Variants in PDE6A observed in about 807,000 individuals in gnomAD.
The protein encoded by PDE6A is phosphodiesterase 6A.
Under a neutral mutation model 106.3 loss-of-function variants are expected in PDE6A, and 84 were observed. The ratio of observed to expected loss-of-function variants is 0.79; its 90% CI spans 0.66 to 0.95. The LOEUF (loss-of-function observed/expected upper bound fraction) is 0.95, where lower values mean the gene tolerates loss of function less well. Among genes scored for constraint, PDE6A ranks in the 40% least tolerant of loss-of-function variants. The pLI, the probability that PDE6A is intolerant of heterozygous loss-of-function variation, is 0.00. For missense variants in PDE6A, 1,052 were observed against 1,084.9 expected, an observed-to-expected ratio of 0.97 and a Z score of 0.43; for synonymous variants, 394 against 386.6, an observed-to-expected ratio of 1.02 and a Z score of -0.23.
At chr5:149,916,288 C>T (rs563731105) in intron 5 of PDE6A, among the ~76,000 whole-genome samples, 1 of 152,294 alleles carries the variant, frequency 6.6e-6, no homozygotes, top group East Asian at 1.9e-4. Context: ...TTAATTTTGA[C>T]TTTGATAAGT....
intron 7 of PDE6A, 55 bp from the exon 8 acceptor site, chr5:149,903,750 A>G (rs1469741944): frequency 3.2e-5 from 43 of 1,326,976 alleles, no homozygotes; most frequent in Non-Finnish European, 3.9e-5. Flanking sequence ...GAGGGTGCCC[A>G]GTGAAGCACT....
chr5:149,900,375 G>GTGTATATATATA (rs371287292), intron 8 of PDE6A, among the ~76,000 whole-genome samples: 26 of 82,646 alleles, frequency 3.1e-4, no homozygotes, highest in South Asian at 6.7e-4. Context: ...AAATATATAT[G>GTGTATATATATA]TATATATATA....
intron 8 of PDE6A, among the ~76,000 whole-genome samples, chr5:149,900,085 G>T (rs1030075364): frequency 2.6e-5 from 4 of 151,872 alleles, no homozygotes; most frequent in African/African-American, 4.8e-5. Context: ...TAGGCATGGC[G>T]ACTCACACCT....
At chr5:149,916,987 G>A (rs2113632190) in intron 5 of PDE6A, among the ~76,000 whole-genome samples, 1 of 152,080 alleles carries the variant, frequency 6.6e-6, no homozygotes, top group African/African-American at 2.4e-5. Context: ...AGTCACTTAG[G>A]AAGTTTTGTA....
intron 13 of PDE6A, among the ~76,000 whole-genome samples, chr5:149,891,851 G>A (rs2113573136): frequency 6.6e-6 from 1 of 151,896 alleles, no homozygotes; most frequent in South Asian, 2.1e-4. Flanking sequence ...CATAATTCTA[G>A]CAAGACAATA....
intron 1 of PDE6A, among the ~76,000 whole-genome samples, chr5:149,942,327 A>T (rs1308925871): frequency 6.6e-6 from 1 of 152,004 alleles, no homozygotes; most frequent in East Asian, 1.9e-4. Context: ...TGCAGTGTCT[A>T]TTCACAGGTG....
At chr5:149,939,032 G>C (rs1038431854) in intron 1 of PDE6A, among the ~76,000 whole-genome samples, 1 of 152,196 alleles carries the variant, frequency 6.6e-6, no homozygotes, top group Non-Finnish European at 1.5e-5. Flanking sequence ...CCCAGTCACT[G>C]TTTGGTGGCG....
Position 149,944,181 on chromosome 5 carries a change from C to G in PDE6A, c.474+19G>C, listed in dbSNP as rs368594456. 7.5e-6 allele frequency: 12 copies of G among 1,590,206 alleles called. No homozygotes were observed. Among genetic ancestry groups the G allele is most frequent in the Non-Finnish European group, 9.5e-6 (11 of 1,158,928 alleles). On this transcript the variant is annotated intron_variant, in intron 1 of 21. Coordinates refer to ENST00000255266, the MANE Select transcript of PDE6A (RefSeq NM_000440.3). ...TGTAATAATGCCCCATGCCCTCTCT[C>G]TCATGGGGAAGAGAGTACCTCCTCT...
intron 4 of PDE6A, among the ~76,000 whole-genome samples, chr5:149,925,634 G>A (rs1753844139): frequency 6.7e-6 from 1 of 149,726 alleles, no homozygotes; most frequent in African/African-American, 2.5e-5. Flanking sequence ...TTGAACCCAG[G>A]AGGCGGAGGT....
In PDE6A at chr5:149,858,250, C is replaced by T. The variant is rs1272090861; in HGVS notation, c.*2645G>A. The stretch of plus-strand genomic sequence containing the variant: ...GTATACTTTTTATTTGCTAATTATA[C>T]CTCCATAAAGCTGGTGGTGGGGGGG... On this transcript the variant is annotated 3_prime_UTR_variant, in exon 22 of 22. Transcript: ENST00000255266. The T allele has an allele frequency of 2.0e-5, 3 of 151,972 alleles. No homozygotes were observed. Among genetic ancestry groups the T allele is most frequent in the African/African-American group, 7.3e-5 (3 of 41,340 alleles). 9.4% of individuals were successfully genotyped at this position (151,972 alleles called of 1,614,324 possible).
At chr5:149,907,449 G>T in intron 6 of PDE6A, 71 bp from the exon 7 acceptor site, 1 of 1,236,474 alleles carries the variant, frequency 8.1e-7, no homozygotes, top group Non-Finnish European at 1.2e-6. Flanking sequence ...AAATCTGGGT[G>T]TTTGCGCTCC....
chr5:149,925,433 G>C (rs1156446028), intron 4 of PDE6A, among the ~76,000 whole-genome samples: 1 of 152,158 alleles, frequency 6.6e-6, no homozygotes. Context: ...AGTTAGCCAG[G>C]CAGTGGCTCA....
chr5:149,930,172 A>G (rs1189212284), intron 4 of PDE6A, among the ~76,000 whole-genome samples: 3 of 152,258 alleles, frequency 2.0e-5, no homozygotes, highest in Non-Finnish European at 4.4e-5. Flanking sequence ...GCAGTCCAGT[A>G]ATTTTTTAAT....
intron 4 of PDE6A, among the ~76,000 whole-genome samples, chr5:149,930,503 A>T (rs1227282480): frequency 6.6e-6 from 1 of 152,234 alleles, no homozygotes; most frequent in Non-Finnish European, 1.5e-5. Flanking sequence ...AAACATATCT[A>T]AAAAACATCG....
intron 5 of PDE6A, among the ~76,000 whole-genome samples, chr5:149,917,620 AC>A (rs1753594600): frequency 6.6e-6 from 1 of 152,132 alleles, no homozygotes; most frequent in African/African-American, 2.4e-5. Context: ...GGCACAGGCT[AC>A]CCCCAGGGGT....
chr5:149,935,401 A>G (rs1055776507), intron 1 of PDE6A, among the ~76,000 whole-genome samples: 4 of 152,286 alleles, frequency 2.6e-5, no homozygotes, highest in Admixed American at 1.3e-4. Context: ...TTTTTAAACA[A>G]TCCAGTTCTA....
In PDE6A at chr5:149,896,696, C is replaced by T. The variant is rs1220190504; in HGVS notation, c.1473+15G>A. 3 of 1,614,110 alleles carry T rather than the reference C, an allele frequency of 1.9e-6. No homozygotes were observed. The highest frequency in any genetic ancestry group is 2.5e-6 in the Non-Finnish European group (3 of 1,180,022). Reference sequence around the variant, plus strand: ...TGTTATACATCGGGGCTCGTGCTGCCCCGGTTCAGCTCACCAGGATCTCAG... The same window carrying T: ...TGTTATACATCGGGGCTCGTGCTGCTCCGGTTCAGCTCACCAGGATCTCAG... On this transcript the variant is annotated intron_variant, in intron 11 of 21. Transcript: ENST00000255266.
At position 149,915,026 on chromosome 5, in the gene PDE6A, A is replaced by C. The variant is rs1450675487; in HGVS notation, c.934-19T>G. The stretch of plus-strand genomic sequence containing the variant: ...TAATTTCCTGGCAAAAGAGAGAAAA[A>C]TTATACTTTTTTTTTTTTTTTTTTT... On this transcript the variant is annotated intron_variant, in intron 5 of 21. Coordinates refer to ENST00000255266, the MANE Select transcript of PDE6A (RefSeq NM_000440.3). 1.4e-6 allele frequency: 2 copies of C among 1,455,644 alleles called. No individual in the cohort carries two copies. Among genetic ancestry groups the C allele is most frequent in the African/African-American group, 3.0e-5 (2 of 67,532 alleles). 90.2% of individuals were successfully genotyped at this position (1,455,644 alleles called of 1,614,324 possible). A position where few individuals can be genotyped will look rare whatever the true frequency, so the allele number is the denominator to read the frequency against.
At chr5:149,924,584 C>A (rs1753821812) in intron 4 of PDE6A, among the ~76,000 whole-genome samples, 1 of 151,948 alleles carries the variant, frequency 6.6e-6, no homozygotes, top group African/African-American at 2.4e-5. Context: ...GACTACAAAA[C>A]AAAGAGAGAG....
Sources: allele counts gnomAD v4.1 joint callset (sites outside exome capture counted in the v4.1 genomes callset), GRCh38; gene constraint gnomAD v4.1.1; transcripts MANE v1.5; gene names NCBI Gene and HGNC (gene_info 2026-07-23, HGNC 2026-07-21).